Variants in CDH13 observed in about 807,000 individuals in gnomAD.
The protein encoded by CDH13 is cadherin-13.
A neutral mutation model predicts 63.8 loss-of-function variants in CDH13; 24 were observed. That is an observed-to-expected ratio of 0.38 (90% CI 0.27 to 0.53). The LOEUF is 0.53. Ranked by LOEUF, CDH13 falls within the 20% of genes least tolerant of loss-of-function variation. CDH13 has a pLI of 0.85. For missense variants in CDH13, 1,049 were observed against 903.1 expected (o/e 1.16, Z -2.07); for synonymous variants, 503 against 355.3 (o/e 1.42, Z -4.67).
chr16:83,275,919 T>G (rs2088972638), intron 5 of CDH13, among the ~76,000 whole-genome samples: 1 of 152,234 alleles, frequency 6.6e-6, no homozygotes, highest in South Asian at 2.1e-4. Context: ...TTCGTTTTTA[T>G]GCTTTATGTT....
intron 2 of CDH13, among the ~76,000 whole-genome samples, chr16:82,962,150 T>C (rs948849930): frequency 3.9e-5 from 6 of 152,198 alleles, no homozygotes; most frequent in Non-Finnish European, 7.3e-5. Flanking sequence ...TGAGATCAAA[T>C]AATCCTGAAT....
chr16:82,777,739 T>C (rs532652251), intron 1 of CDH13, among the ~76,000 whole-genome samples: 2 of 152,190 alleles, frequency 1.3e-5, no homozygotes, highest in Non-Finnish European at 2.9e-5. Flanking sequence ...TCCTAAGACT[T>C]GACTGGGCAT....
At chr16:82,721,958 C>G (rs1204325646) in intron 1 of CDH13, among the ~76,000 whole-genome samples, 2 of 152,090 alleles carry the variant, frequency 1.3e-5, no homozygotes, top group Admixed American at 6.5e-5. Flanking sequence ...GGGCGTGTCA[C>G]ATGCTTGAGT....
chr16:83,449,862 A>C (rs947163087), intron 6 of CDH13, among the ~76,000 whole-genome samples: 11 of 152,224 alleles, frequency 7.2e-5, no homozygotes, highest in African/African-American at 2.4e-4. Flanking sequence ...GAGGGAGCTC[A>C]GACCACAGAT....
At position 83,612,837 on chromosome 16, in the gene CDH13, G is replaced by C. The variant is rs1372277766; in HGVS notation, c.1101+10243G>C. 2.0e-5 allele frequency among the ~76,000 whole-genome samples: 3 copies of C among 151,974 alleles called. No individual in the cohort carries two copies. In the East Asian group the frequency reaches 5.8e-4, roughly 29 times the overall value. On this transcript the variant is annotated intron_variant, in intron 8 of 13. Transcript: ENST00000567109. ...TCCTCCTACCTTCTGAGATATTGTTGTTATGTTTTAATTCTGTATCAGTTT... is the reference window on the plus strand; with the variant it reads ...TCCTCCTACCTTCTGAGATATTGTTCTTATGTTTTAATTCTGTATCAGTTT...
chr16:83,458,667 G>C (rs894581917), intron 6 of CDH13, among the ~76,000 whole-genome samples: 1 of 152,110 alleles, frequency 6.6e-6, no homozygotes, highest in Non-Finnish European at 1.5e-5. Context: ...TCTTCCTGTT[G>C]TTTTGCAAAC....
At chr16:83,319,631 C>A (rs571010838) in intron 5 of CDH13, among the ~76,000 whole-genome samples, 71 of 152,012 alleles carry the variant, frequency 4.7e-4, no homozygotes, top group Non-Finnish European at 7.6e-4. Flanking sequence ...AATTACTAAA[C>A]AAAACTAGTG....
At chr16:83,633,820 A>AAAC (rs1910996618) in intron 8 of CDH13, among the ~76,000 whole-genome samples, 1 of 152,160 alleles carries the variant, frequency 6.6e-6, no homozygotes, top group Non-Finnish European at 1.5e-5. Context: ...ATTCCATCAT[A>AAAC]AACAAGGTAT....
intron 1 of CDH13, among the ~76,000 whole-genome samples, chr16:82,690,164 C>CAA (rs35051579): frequency 0.12 from 6,403 of 51,898 alleles, 443 homozygotes; most frequent in East Asian, 0.32. Flanking sequence ...AACTCTGTCT[C>CAA]AAAAAAAAAA....
intron 2 of CDH13, among the ~76,000 whole-genome samples, chr16:82,907,799 A>G (rs1374132049): frequency 6.6e-6 from 1 of 152,150 alleles, no homozygotes; most frequent in East Asian, 1.9e-4. Flanking sequence ...CCTCCACTTG[A>G]GTGAGCACTC....
At chr16:83,422,795 A>G (rs1464863631) in intron 6 of CDH13, among the ~76,000 whole-genome samples, 1 of 152,200 alleles carries the variant, frequency 6.6e-6, no homozygotes, top group East Asian at 1.9e-4. Context: ...TACTTTCCTC[A>G]TGAGCCTGTT....
intron 2 of CDH13, among the ~76,000 whole-genome samples, chr16:82,893,014 T>C (rs2151225254): frequency 6.6e-6 from 1 of 152,238 alleles, no homozygotes; most frequent in Non-Finnish European, 1.5e-5. Flanking sequence ...GACCATTATC[T>C]AAGAAATATG....
intron 1 of CDH13, among the ~76,000 whole-genome samples, chr16:82,653,278 A>G (rs185485023): frequency 1.3e-5 from 2 of 152,324 alleles, no homozygotes; most frequent in East Asian, 3.9e-4. Context: ...CATGGAAAAC[A>G]TTGAGCTGAA....
chr16:82,808,830 G>A (rs1394974938), intron 1 of CDH13, among the ~76,000 whole-genome samples: 2 of 152,104 alleles, frequency 1.3e-5, no homozygotes, highest in Non-Finnish European at 2.9e-5. Context: ...TTCCTGGTGT[G>A]AGTCTGCCAA....
intron 3 of CDH13, among the ~76,000 whole-genome samples, chr16:83,075,973 C>G (rs185691814): frequency 7.9e-5 from 12 of 152,212 alleles, no homozygotes; most frequent in East Asian, 3.9e-4. Context: ...AAAACCAAAC[C>G]AGGAATGAGA....
intron 8 of CDH13, among the ~76,000 whole-genome samples, chr16:83,646,710 A>C (rs201813912): frequency 0.07 from 5,371 of 76,634 alleles, 416 homozygotes; most frequent in African/African-American, 0.19. Flanking sequence ...AAAAAAAAAA[A>C]AAACACACAC....
chr16:82,890,756 A>G (rs2041052803), intron 2 of CDH13, among the ~76,000 whole-genome samples: 3 of 151,770 alleles, frequency 2.0e-5, no homozygotes, highest in Admixed American at 1.3e-4. Flanking sequence ...GGTTCAAGCA[A>G]TTATCCTGCC....
intron 7 of CDH13, among the ~76,000 whole-genome samples, chr16:83,500,303 C>CTT (rs1567715290): frequency 1.6e-3 from 1 of 608 alleles, no homozygotes; most frequent in African/African-American, 1.9e-3. Flanking sequence ...TCTCCTTCTC[C>CTT]TTCTCCTTCT....
At chr16:83,794,468 G>T (rs117447039) in intron 13 of CDH13, among the ~76,000 whole-genome samples, 2 of 152,170 alleles carry the variant, frequency 1.3e-5, no homozygotes, top group Non-Finnish European at 2.9e-5. Flanking sequence ...TGGGAGGATC[G>T]CTTGAGCCCA....
Sources: gnomAD v4.1 joint callset for allele counts (sites outside exome capture counted in the v4.1 genomes callset) on GRCh38, gnomAD v4.1.1 for gene constraint, MANE v1.5 for transcripts, NCBI Gene and HGNC (gene_info 2026-07-23, HGNC 2026-07-21) for gene names.